Variants in PCDHA13 observed in about 807,000 individuals in gnomAD.
PCDHA13 encodes protocadherin alpha 13, also known as protocadherin alpha-13.
In PCDHA13, 54 loss-of-function variants were observed where a neutral mutation model predicts 64.8. That is an observed-to-expected ratio of 0.83 (90% CI 0.67 to 1.04). The LOEUF (loss-of-function observed/expected upper bound fraction) is 1.04, where lower values mean the gene tolerates loss of function less well. Among genes scored for constraint, PCDHA13 ranks in the 50% least tolerant of loss-of-function variants. The pLI is 0.00. For missense variants in PCDHA13, 1,248 were observed against 1,254.3 expected (o/e 0.99, Z 0.08); for synonymous variants, 587 against 564.4 (o/e 1.04, Z -0.57).
At chr5:140,992,186 A>G (rs1436291226) in intron 3 of PCDHA13, among the ~76,000 whole-genome samples, 1 of 152,166 alleles carries the variant, frequency 6.6e-6, no homozygotes, top group East Asian at 1.9e-4. Context: ...TCATGCTTTC[A>G]GTGATCTATC....
chr5:140,915,006 C>A (rs958050012), intron 1 of PCDHA13, among the ~76,000 whole-genome samples: 2 of 149,102 alleles, frequency 1.3e-5, no homozygotes, highest in African/African-American at 5.0e-5. Flanking sequence ...AGTGCAGTGG[C>A]CTGATCTTGG....
At chr5:140,886,759 G>A (rs541111444) in intron 1 of PCDHA13, among the ~76,000 whole-genome samples, 221 of 150,566 alleles carry the variant, frequency 1.5e-3, no homozygotes, top group Non-Finnish European at 2.7e-3. Flanking sequence ...CCGGGAGGTG[G>A]AGGTTGCAGT....
chr5:140,987,563 T>C (rs2097259374), intron 3 of PCDHA13, among the ~76,000 whole-genome samples: 1 of 152,226 alleles, frequency 6.6e-6, no homozygotes, highest in Non-Finnish European at 1.5e-5. Context: ...ATTCTCAGTT[T>C]CTTTCTCTAT....
rs781902332 is a variant in PCDHA13, at chr5:140,883,627, G to A, written c.1359G>A (p.Pro453=). ...TGGCCGACGTGAACGACAACGCGCC[G>A]GCGTTCGCGCAGCCCGAGTACACGG... ...VGVADVNDNA[P]AFAQPEYTVF... Residue 453 remains proline, a synonymous_variant, in exon 1 of 4, where the codon CCG becomes CCA. Coordinates refer to ENST00000289272, the MANE Select transcript of PCDHA13 (RefSeq NM_018904.3). 34 of 1,613,816 alleles carry A rather than the reference G, an allele frequency of 2.1e-5. No individual in the cohort carries two copies. Among genetic ancestry groups the A allele is most frequent in the Non-Finnish European group, 2.7e-5 (32 of 1,179,896 alleles).
At chr5:140,911,744 C>T (rs758009837) in intron 1 of PCDHA13, among the ~76,000 whole-genome samples, 2 of 151,280 alleles carry the variant, frequency 1.3e-5, no homozygotes, top group Non-Finnish European at 2.9e-5. Flanking sequence ...CAAGGACTAT[C>T]AGTGTTCTCC....
chr5:140,995,233 G>A (rs1359304274), intron 3 of PCDHA13, among the ~76,000 whole-genome samples: 1 of 152,128 alleles, frequency 6.6e-6, no homozygotes, highest in Non-Finnish European at 1.5e-5. Flanking sequence ...TTTGGGGCCA[G>A]TATTAAGTAA....
rs997170789 is a variant in PCDHA13, at chr5:140,883,635, C to T, written c.1367C>T (p.Ala456Val). ...ADVNDNAPAF[A>V]QPEYTVFVKE... The stretch of plus-strand genomic sequence containing the variant: ...GTGAACGACAACGCGCCGGCGTTCG[C>T]GCAGCCCGAGTACACGGTGTTCGTG... Residue 456 changes from alanine (A) to valine (V), a missense_variant, in exon 1 of 4, where the codon GCG (alanine) becomes GTG (valine). Coordinates refer to ENST00000289272, the MANE Select transcript of PCDHA13 (RefSeq NM_018904.3). 6.2e-7 allele frequency: 1 copy of T among 1,613,182 alleles called. No homozygotes were observed. The highest frequency in any genetic ancestry group is 8.5e-7 in the Non-Finnish European group (1 of 1,179,716).
At chr5:140,927,674 A>C (rs201769803) in intron 1 of PCDHA13, 1 of 1,614,182 alleles carries the variant, frequency 6.2e-7, no homozygotes, top group Admixed American at 1.7e-5. Flanking sequence ...TTGGATCCAG[A>C]TGAAGGGTCC....
At chr5:140,926,204 G>C (rs888951769) in intron 1 of PCDHA13, among the ~76,000 whole-genome samples, 1 of 151,802 alleles carries the variant, frequency 6.6e-6, no homozygotes, top group South Asian at 2.2e-4. Context: ...CTTTCGGGGG[G>C]CTCCTGTTTC....
Position 140,968,830 on chromosome 5 carries a change from C to T in PCDHA13, c.2395-10119C>T, listed in dbSNP as rs782771762. On this transcript the variant is annotated intron_variant, in intron 1 of 3. Coordinates refer to ENST00000289272, the MANE Select transcript of PCDHA13 (RefSeq NM_018904.3). The stretch of plus-strand genomic sequence containing the variant: ...TGGTGGATAGGGTTTCCAAAATCCT[C>T]CCTGACACTCAGAGGCATGTTAAGA... 48 of 1,614,080 alleles carry T rather than the reference C, an allele frequency of 3.0e-5. No homozygotes were observed. The Admixed American group carries it at 8.0e-4, about 27-fold the overall frequency.
At chr5:140,981,683 T>A (rs1484532280) in intron 2 of PCDHA13, among the ~76,000 whole-genome samples, 5 of 152,034 alleles carry the variant, frequency 3.3e-5, no homozygotes, top group Non-Finnish European at 5.9e-5. Flanking sequence ...CCTTCCTCCC[T>A]TCCATCATTC....
rs782242128 is a variant in PCDHA13 at position 140,928,580 on chromosome 5, GT to G, written c.2394+43920del. 100 of 1,614,112 alleles carry G rather than the reference GT, an allele frequency of 6.2e-5. 1 individual carries two copies. The East Asian group carries it at 2.2e-3, about 36-fold the overall frequency. ...ATCTTGTTTCCCTTGCCCAGAAATG[GT>G]TCTGTCCCAGTGGAAATTGTGCCCC... On this transcript the variant is annotated intron_variant, in intron 1 of 3. Transcript: ENST00000289272.
At chr5:140,992,205 T>C (rs2097498733) in intron 3 of PCDHA13, among the ~76,000 whole-genome samples, 1 of 152,186 alleles carries the variant, frequency 6.6e-6, no homozygotes, top group South Asian at 2.1e-4. Flanking sequence ...TCCAATCAGA[T>C]AAACTACTCT....
intron 1 of PCDHA13, chr5:140,928,280 C>T (rs781831365): frequency 6.2e-7 from 1 of 1,614,076 alleles, no homozygotes; most frequent in African/African-American, 1.3e-5. Context: ...CCTGGGGCCT[C>T]TCTAGGCCGA....
Position 140,882,398 on chromosome 5 carries a change from T to C in PCDHA13, c.130T>C (p.Phe44Leu), listed in dbSNP as rs782596260. The C allele has an allele frequency of 5.6e-6, 9 of 1,614,040 alleles. No individual in the cohort carries two copies. In the African/African-American group the frequency reaches 9.3e-5, roughly 17 times the overall value. Residue 44 changes from phenylalanine to leucine, a missense_variant, in exon 1 of 4, where the codon TTC becomes CTC. Phe to Leu is a conservative substitution (Grantham distance 22, BLOSUM62 0). Coordinates refer to ENST00000289272, the MANE Select transcript of PCDHA13 (RefSeq NM_018904.3). ...SVPEEAKHGTFVGRIAQDLGL... is the reference protein window; with the variant it reads ...SVPEEAKHGTLVGRIAQDLGL... ...CCCCGAGGAAGCAAAACACGGCACCTTCGTGGGCCGCATCGCTCAGGACCT... is the reference window on the plus strand; with the variant it reads ...CCCCGAGGAAGCAAAACACGGCACCCTCGTGGGCCGCATCGCTCAGGACCT...
chr5:140,951,196 T>A (rs1438872650), intron 1 of PCDHA13, among the ~76,000 whole-genome samples: 1 of 152,190 alleles, frequency 6.6e-6, no homozygotes, highest in African/African-American at 2.4e-5. Context: ...AATTCCCACA[T>A]CTGTGTCATC....
At chr5:140,925,238 T>C (rs2082404327) in intron 1 of PCDHA13, among the ~76,000 whole-genome samples, 1 of 152,248 alleles carries the variant, frequency 6.6e-6, no homozygotes, top group African/African-American at 2.4e-5. Context: ...CCAGAAAATA[T>C]GTCCTGGAAA....
intron 3 of PCDHA13, among the ~76,000 whole-genome samples, chr5:141,000,421 A>ATT (rs34755515): frequency 0.021 from 589 of 27,976 alleles, 60 homozygotes; most frequent in Middle Eastern, 0.062. Flanking sequence ...ATATATATAT[A>ATT]TTTTTTTTTT....
Position 141,010,339 on chromosome 5 carries a change from A to C in PCDHA13, c.*402A>C. ...TTGAGCAGCTTGGGAGTTTGTGGCCACTGGGTATGTGTGGCTACCGCGGGT... is the reference window on the plus strand; with the variant it reads ...TTGAGCAGCTTGGGAGTTTGTGGCCCCTGGGTATGTGTGGCTACCGCGGGT... On this transcript the variant is annotated 3_prime_UTR_variant, in exon 4 of 4. Coordinates refer to ENST00000289272, the MANE Select transcript of PCDHA13 (RefSeq NM_018904.3). 6.5e-7 allele frequency: 1 copy of C among 1,534,060 alleles called. No homozygotes were observed. The highest frequency in any genetic ancestry group is 8.8e-7 in the Non-Finnish European group (1 of 1,140,682).
Sources: gnomAD v4.1 joint callset for allele counts (sites outside exome capture counted in the v4.1 genomes callset) on GRCh38, gnomAD v4.1.1 for gene constraint, MANE v1.5 for transcripts, NCBI Gene and HGNC (gene_info 2026-07-23, HGNC 2026-07-21) for gene names.